GRIP1: variants seen among roughly 807,000 people sequenced by gnomAD.
GRIP1 encodes the protein glutamate receptor-interacting protein 1.
Under a neutral mutation model 129.9 loss-of-function variants are expected in GRIP1, and 45 were observed. The observed-to-expected ratio is 0.35, with a 90% confidence interval of 0.27 to 0.44. GRIP1 has a LOEUF of 0.44. Among genes scored for constraint, GRIP1 ranks in the 20% least tolerant of loss-of-function variants. The probability of loss-of-function intolerance (pLI) is 1.00; values close to 1 mark genes in which losing one functional copy is unlikely to be tolerated. For missense variants in GRIP1, 1,196 were observed against 1,396.8 expected (o/e 0.86, Z 2.29); for synonymous variants, 530 against 520.8 (o/e 1.02, Z -0.24).
chr12:66,606,003 C>T (rs1177494685), intron 1 of GRIP1, among the ~76,000 whole-genome samples: 1 of 152,044 alleles, frequency 6.6e-6, no homozygotes, highest in East Asian at 1.9e-4. Context: ...ATTGATTTGA[C>T]TGAGGAACAA....
chr12:66,939,487 T>C (rs143645426), intron 1 of GRIP1, among the ~76,000 whole-genome samples: 165 of 152,238 alleles, frequency 1.1e-3, no homozygotes, highest in African/African-American at 3.4e-3. Flanking sequence ...ACTAGATAAA[T>C]TCAATACATA....
At chr12:66,718,365 T>A (rs2035957043) in intron 1 of GRIP1, among the ~76,000 whole-genome samples, 2 of 152,268 alleles carry the variant, frequency 1.3e-5, no homozygotes, top group Middle Eastern at 3.4e-3. Flanking sequence ...ATATTCAGGG[T>A]AATGTTTCTA....
At chr12:66,506,476 A>C (rs970182607) in intron 7 of GRIP1, among the ~76,000 whole-genome samples, 1 of 152,214 alleles carries the variant, frequency 6.6e-6, no homozygotes, top group Admixed American at 6.5e-5. Context: ...TAAAGTTTAA[A>C]GTCCAGCAAA....
chr12:66,564,355 C>T (rs1053258635), intron 2 of GRIP1, among the ~76,000 whole-genome samples: 1 of 148,232 alleles, frequency 6.7e-6, no homozygotes, highest in African/African-American at 2.5e-5. Context: ...TAGTTCCCAC[C>T]TATGAGTGAG....
chr12:66,603,146 C>A (rs112291621), intron 1 of GRIP1, among the ~76,000 whole-genome samples: 20 of 151,024 alleles, frequency 1.3e-4, no homozygotes, highest in African/African-American at 4.4e-4. Context: ...TAGGCATGAA[C>A]CACCACATCT....
chr12:66,586,644 C>A (rs1432166016), intron 2 of GRIP1, among the ~76,000 whole-genome samples: 1 of 152,166 alleles, frequency 6.6e-6, no homozygotes, highest in East Asian at 1.9e-4. Context: ...CAGTAAATGG[C>A]ATCAGTATTT....
rs760273176 is a variant in GRIP1 at position 66,379,343 on chromosome 12, C to A, written c.2558G>T (p.Arg853Leu). Residue 853 changes from arginine (R) to leucine (L), a missense_variant, in exon 20 of 25, where the codon CGA (arginine) becomes CTA (leucine). Coordinates refer to ENST00000359742, the MANE Select transcript of GRIP1 (RefSeq NM_001366722.1). ...CCCCACATCTGGGTAAGTCTGGCTT[C>A]GAGGCTTAGTGACTGGGGACAAGCT... ...RGSLSPVTKP[R>L]SQTYPDVGLS... 2 of 1,614,014 alleles carry A rather than the reference C, an allele frequency of 1.2e-6. No individual in the cohort carries two copies. Among genetic ancestry groups the A allele is most frequent in the Non-Finnish European group, 8.5e-7 (1 of 1,179,910 alleles).
chr12:66,428,150 C>G (rs1293450760), intron 14 of GRIP1, among the ~76,000 whole-genome samples: 4 of 152,170 alleles, frequency 2.6e-5, no homozygotes, highest in African/African-American at 9.7e-5. Context: ...GGTTTGGTAA[C>G]ATTTTGACCT....
rs551795079 is a variant in GRIP1 at position 67,040,751 on chromosome 12, T to C, written c.58+28299A>G. 5.9e-5 allele frequency among the ~76,000 whole-genome samples: 9 copies of C among 152,324 alleles called. No homozygotes were observed. The East Asian group carries it at 1.2e-3, about 20-fold the overall frequency. On this transcript the variant is annotated intron_variant, in intron 1 of 1. Coordinates refer to the GRIP1 transcript ENST00000643019. ...TTTGGAAAGAATGTCGCACAGGGCC[T>C]GGCAGTCAGAATGTGCTCAATAAAG...
intron 1 of GRIP1, among the ~76,000 whole-genome samples, chr12:66,669,275 C>T (rs1487499348): frequency 4.6e-5 from 7 of 152,148 alleles, no homozygotes; most frequent in African/African-American, 1.7e-4. Flanking sequence ...GTAATCCCAG[C>T]TACTCGGGAG....
At chr12:66,837,703 A>G (rs2039640076) in intron 1 of GRIP1, among the ~76,000 whole-genome samples, 1 of 152,218 alleles carries the variant, frequency 6.6e-6, no homozygotes, top group South Asian at 2.1e-4. Context: ...GAATAGGCTG[A>G]AGAAAGTCTG....
intron 15 of GRIP1, among the ~76,000 whole-genome samples, chr12:66,416,249 C>T (rs2057599087): frequency 6.6e-6 from 1 of 152,080 alleles, no homozygotes; most frequent in Admixed American, 6.5e-5. Flanking sequence ...CAATGAGATA[C>T]AGCAAAAGCA....
intron 1 of GRIP1, among the ~76,000 whole-genome samples, chr12:67,041,615 A>C (rs2043181466): frequency 6.6e-6 from 1 of 152,298 alleles, no homozygotes; most frequent in South Asian, 2.1e-4. Flanking sequence ...ATCAGACATC[A>C]GTAAATGCTT....
At chr12:66,741,872 C>T (rs1255626435) in intron 1 of GRIP1, among the ~76,000 whole-genome samples, 1 of 152,128 alleles carries the variant, frequency 6.6e-6, no homozygotes, top group Non-Finnish European at 1.5e-5. Context: ...AATGGCTTCC[C>T]ATCTTTAGAA....
At chr12:67,012,063 A>G (rs1555164900) in intron 1 of GRIP1, among the ~76,000 whole-genome samples, 1 of 152,184 alleles carries the variant, frequency 6.6e-6, no homozygotes, top group Non-Finnish European at 1.5e-5. Flanking sequence ...TGTTGTCTAG[A>G]AAAGTGCCTG....
At chr12:66,917,967 C>A (rs1479811210) in intron 1 of GRIP1, among the ~76,000 whole-genome samples, 1 of 151,966 alleles carries the variant, frequency 6.6e-6, no homozygotes, top group African/African-American at 2.4e-5. Flanking sequence ...CACACACACA[C>A]ACACACACGG....
At chr12:66,998,971 T>C (rs985801994) in intron 1 of GRIP1, among the ~76,000 whole-genome samples, 3 of 152,080 alleles carry the variant, frequency 2.0e-5, no homozygotes, top group Non-Finnish European at 4.4e-5. Context: ...CTCACCTCAT[T>C]TGAGTCTAAG....
chr12:66,474,235 T>C (rs1023865272), intron 7 of GRIP1, among the ~76,000 whole-genome samples: 12 of 151,736 alleles, frequency 7.9e-5, no homozygotes, highest in Admixed American at 2.6e-4. Context: ...ATATCAGAGA[T>C]TGAAGATCAG....
At chr12:66,867,989 G>A (rs941059685) in intron 1 of GRIP1, among the ~76,000 whole-genome samples, 11 of 152,060 alleles carry the variant, frequency 7.2e-5, no homozygotes, top group Admixed American at 5.2e-4. Flanking sequence ...ACTTTATTCT[G>A]ACGTAAATAT....
Sources: gnomAD v4.1 joint callset for allele counts (sites outside exome capture counted in the v4.1 genomes callset) on GRCh38, gnomAD v4.1.1 for gene constraint, MANE v1.5 for transcripts, NCBI Gene and HGNC (gene_info 2026-07-23, HGNC 2026-07-21) for gene names.